Variants in ATP8A1 observed in about 807,000 individuals in gnomAD.
ATP8A1 encodes ATPase phospholipid transporting 8A1, also known as phospholipid-transporting ATPase IA.
A neutral mutation model predicts 177.7 loss-of-function variants in ATP8A1; 90 were observed. The observed-to-expected ratio is 0.51, with a 90% CI of 0.43 to 0.60. ATP8A1 has a LOEUF of 0.60. ATP8A1 is among the 20% of genes least tolerant of loss of function. ATP8A1 has a pLI of 0.00. For missense variants in ATP8A1, 1,072 were observed against 1,392.8 expected (o/e 0.77, Z 3.67); for synonymous variants, 493 against 485.9 (o/e 1.01, Z -0.19).
At chr4:42,426,617 G>A (rs1714652023) in intron 33 of ATP8A1, among the ~76,000 whole-genome samples, 1 of 152,192 alleles carries the variant, frequency 6.6e-6, no homozygotes, top group African/African-American at 2.4e-5. Context: ...GCATAACATT[G>A]ATTATTAACA....
intron 25 of ATP8A1, among the ~76,000 whole-genome samples, chr4:42,471,077 C>A (rs4370169): frequency 0.17 from 25,322 of 151,958 alleles, 2,379 homozygotes; most frequent in East Asian, 0.25. Flanking sequence ...AAAAAAAAAC[C>A]TGATGTACAA....
At chr4:42,450,037 T>C (rs146801621) in intron 30 of ATP8A1, among the ~76,000 whole-genome samples, 85 of 152,332 alleles carry the variant, frequency 5.6e-4, no homozygotes, top group African/African-American at 1.8e-3. Context: ...CTTGGAGAGC[T>C]TGTCTGAGGT....
intron 8 of ATP8A1, among the ~76,000 whole-genome samples, chr4:42,587,611 C>CTTT (rs564079399): frequency 7.6e-6 from 1 of 132,446 alleles, no homozygotes; most frequent in African/African-American, 2.8e-5. Context: ...CCTTGTACAG[C>CTTT]TTTTTTTTTT....
At chr4:42,609,558 G>A (rs750114385) in intron 5 of ATP8A1, among the ~76,000 whole-genome samples, 24 of 152,076 alleles carry the variant, frequency 1.6e-4, no homozygotes, top group South Asian at 8.3e-4. Flanking sequence ...AGAGCTCCAC[G>A]ACTACTCTCT....
intron 10 of ATP8A1, among the ~76,000 whole-genome samples, chr4:42,580,540 C>A (rs1011889235): frequency 6.6e-6 from 1 of 152,110 alleles, no homozygotes; most frequent in Non-Finnish European, 1.5e-5. Flanking sequence ...TTTGATGATT[C>A]AAATGGTTAT....
Position 42,552,562 on chromosome 4 carries a change from G to A in ATP8A1, c.1462C>T (p.His488Tyr). 3.1e-6 allele frequency: 5 copies of A among 1,613,708 alleles called. No homozygotes were observed. The highest frequency in any genetic ancestry group is 4.2e-6 in the Non-Finnish European group (5 of 1,179,916). Reference protein sequence around the residue: ...CEFLTMMAVCHTAVPEREGDK... With the variant: ...CEFLTMMAVCYTAVPEREGDK... Reference sequence around the variant, plus strand: ...CCTTCTCGCTCTGGCACTGCTGTGTGACAGACTGCCATCATTGTAAGAAAT... The same window carrying A: ...CCTTCTCGCTCTGGCACTGCTGTGTAACAGACTGCCATCATTGTAAGAAAT... The change falls in exon 17 of 37, where the codon CAC becomes TAC. Residue 488 changes from histidine to tyrosine, a missense_variant. His to Tyr is a moderately conservative substitution (Grantham distance 83). Around this residue, in one of 5 missense-constraint regions of ATP8A1, gnomAD observed 388 missense variants for 471.7 expected, o/e 0.82. Coordinates refer to ENST00000381668, the MANE Select transcript of ATP8A1 (RefSeq NM_006095.2).
At chr4:42,431,985 C>T (rs1274277226) in intron 33 of ATP8A1, among the ~76,000 whole-genome samples, 1 of 152,214 alleles carries the variant, frequency 6.6e-6, no homozygotes. Flanking sequence ...CATTGTGGCT[C>T]TTTCCTCCTT....
Position 42,524,828 on chromosome 4 carries a change from C to T in ATP8A1, c.1742G>A (p.Arg581Gln), listed in dbSNP as rs368857238. Residue 581 changes from arginine to glutamine, a missense_variant, in exon 21 of 37, where the codon CGA (arginine) becomes CAA (glutamine). This residue lies in a region of ATP8A1 where 388 missense variants were observed against 471.7 expected (regional missense o/e 0.82). Transcript: ENST00000381668. Reference protein sequence around the residue: ...CKGADTVIYDRLAETSKYKEI... With the variant: ...CKGADTVIYDQLAETSKYKEI... ...TTTGTATTTTGACGTCTCTGCCAGT[C>T]GATCATAAATTACAGTGTCCTGGAA... The T allele has an allele frequency of 3.7e-6, 6 of 1,607,952 alleles. No homozygotes were observed. Among genetic ancestry groups the T allele is most frequent in the African/African-American group, 2.7e-5 (2 of 74,750 alleles).
At chr4:42,604,133 C>T (rs948261525) in intron 5 of ATP8A1, among the ~76,000 whole-genome samples, 2 of 152,078 alleles carry the variant, frequency 1.3e-5, no homozygotes, top group Non-Finnish European at 2.9e-5. Context: ...AATTCTCTTT[C>T]CCTCCATCCT....
intron 25 of ATP8A1, chr4:42,472,059 G>A (rs1177078737): frequency 1.4e-6 from 1 of 720,884 alleles, no homozygotes; most frequent in East Asian, 2.6e-5. Flanking sequence ...ACGTGAATTG[G>A]AGAAAAAGTT....
intron 5 of ATP8A1, among the ~76,000 whole-genome samples, chr4:42,613,104 C>A (rs1184653760): frequency 6.6e-6 from 1 of 152,132 alleles, no homozygotes; most frequent in African/African-American, 2.4e-5. Context: ...TTCATTCTGG[C>A]CTAATAACAG....
rs748944793 is a variant in ATP8A1 at position 42,501,559 on chromosome 4, C to T, written c.2151+1891G>A. Among the ~76,000 whole-genome samples, 157 of 152,214 alleles carry T rather than the reference C, an allele frequency of 1.0e-3. 1 individual carries two copies. Among genetic ancestry groups the T allele is most frequent in the African/African-American group, 3.5e-3 (143 of 41,446 alleles). ...TATTCCTAAGTTCATTACTTAAATG[C>T]TAATTATTCTTTGTGCTGATAAAAT... On this transcript the variant is annotated intron_variant, in intron 24 of 36. Coordinates refer to ENST00000381668, the MANE Select transcript of ATP8A1 (RefSeq NM_006095.2).
intron 4 of ATP8A1, among the ~76,000 whole-genome samples, chr4:42,617,520 GA>G (rs1221511385): frequency 6.6e-6 from 1 of 152,136 alleles, no homozygotes; most frequent in African/African-American, 2.4e-5. Context: ...ACAGAACTTT[GA>G]AAATATTCTT....
chr4:42,589,468 G>A (rs960695565), intron 7 of ATP8A1, among the ~76,000 whole-genome samples: 5 of 152,032 alleles, frequency 3.3e-5, no homozygotes, highest in Admixed American at 6.5e-5. Context: ...TTTGTGGCCC[G>A]AAGATTTGTG....
At chr4:42,492,397 A>T (rs1008518470) in intron 24 of ATP8A1, among the ~76,000 whole-genome samples, 4 of 152,178 alleles carry the variant, frequency 2.6e-5, no homozygotes, top group African/African-American at 4.8e-5. Flanking sequence ...ACCAAAATTC[A>T]TATGTTGAAA....
intron 33 of ATP8A1, among the ~76,000 whole-genome samples, chr4:42,426,807 TCTG>T (rs1348075005): frequency 4.6e-5 from 7 of 152,238 alleles, no homozygotes; most frequent in Non-Finnish European, 8.8e-5. Context: ...GCTTGTCTTA[TCTG>T]CTATTTTTAA....
intron 15 of ATP8A1, among the ~76,000 whole-genome samples, chr4:42,565,201 C>T (rs764080930): frequency 1.8e-4 from 27 of 152,176 alleles, no homozygotes; most frequent in Non-Finnish European, 3.1e-4. Context: ...CACTATGTGA[C>T]TCAACATCTT....
chr4:42,524,738 T>A (rs1176988628), intron 21 of ATP8A1, 25 bp downstream of exon 21: 1 of 1,470,662 alleles, frequency 6.8e-7, no homozygotes, highest in East Asian at 2.3e-5. Flanking sequence ...ATTTTAATCA[T>A]GCTTTATTGC....
At chr4:42,551,050 C>A in intron 18 of ATP8A1, 148 bp downstream of exon 18, 1 of 630,106 alleles carries the variant, frequency 1.6e-6, no homozygotes, top group Non-Finnish European at 2.8e-6. Context: ...GTATAAATGC[C>A]TAAAGAAATA....
Sources: gnomAD v4.1 joint callset for allele counts (sites outside exome capture counted in the v4.1 genomes callset) on GRCh38, gnomAD v4.1.1 for gene constraint, gnomAD v4.1.1 regional missense constraint, MANE v1.5 for transcripts, NCBI Gene and HGNC (gene_info 2026-07-23, HGNC 2026-07-21) for gene names.